The following GRAMD4 variants were observed in gnomAD, a reference collection of about 807,000 sequenced individuals.
The protein encoded by GRAMD4 is GRAM domain-containing protein 4.
A neutral mutation model predicts 83.9 loss-of-function variants in GRAMD4; 25 were observed. That is an observed-to-expected ratio of 0.30 (90% confidence interval 0.22 to 0.42). The LOEUF (loss-of-function observed/expected upper bound fraction) is 0.42. Ranked by LOEUF, GRAMD4 falls within the 10% of genes least tolerant of loss-of-function variation. The pLI, the probability that GRAMD4 is intolerant of heterozygous loss-of-function variation, is 1.00. For synonymous variants in GRAMD4, 336 were observed against 320.9 expected, an observed-to-expected ratio of 1.05 and a Z score of -0.50; for missense variants, 593 against 788.7, an observed-to-expected ratio of 0.75 and a Z score of 2.97.
At chr22:46,670,679 C>T (rs1412005589) in intron 13 of GRAMD4, among the ~76,000 whole-genome samples, 1 of 152,136 alleles carries the variant, frequency 6.6e-6, no homozygotes, top group East Asian at 1.9e-4. Flanking sequence ...GATCTCGGCT[C>T]ACTGCAACCT....
intron 6 of GRAMD4, 43 bp downstream of exon 6, chr22:46,663,215 C>T (rs1205860867): frequency 6.3e-7 from 1 of 1,583,472 alleles, no homozygotes; most frequent in Non-Finnish European, 8.6e-7. Flanking sequence ...GTTAGGGGCC[C>T]CGGTCCCTGG....
At chr22:46,581,627 A>G (rs1602285873) in intron 1 of GRAMD4, among the ~76,000 whole-genome samples, 2 of 152,386 alleles carry the variant, frequency 1.3e-5, no homozygotes, top group East Asian at 3.9e-4. Flanking sequence ...TGTCCTGCTC[A>G]GGGCCAGACA....
intron 1 of GRAMD4, among the ~76,000 whole-genome samples, chr22:46,623,877 G>A (rs1805389419): frequency 1.3e-5 from 2 of 151,646 alleles, no homozygotes. Context: ...CACCTCCCGG[G>A]TTCAAGCAAT....
Position 46,659,023 on chromosome 22 carries a change from G to T in GRAMD4, c.404+716G>T, listed in dbSNP as rs1389406387. Among the ~76,000 whole-genome samples the T allele has an allele frequency of 6.6e-6, 1 of 152,152 alleles. No homozygotes were observed. The highest frequency in any genetic ancestry group is 1.5e-5 in the Non-Finnish European group (1 of 68,000). On this transcript the variant is annotated intron_variant, in intron 4 of 18. Coordinates refer to ENST00000406902, the MANE Select transcript of GRAMD4 (RefSeq NM_015124.5). This position sits in a 1 kb window ranked among gnomAD's most constrained non-coding sequence, Gnocchi z 4.1. ...GACCCCAGCGCAAGTTACAAAGCCAGTGCCCTCCTGTCTCGCTAACACCAC... is the reference window on the plus strand; with the variant it reads ...GACCCCAGCGCAAGTTACAAAGCCATTGCCCTCCTGTCTCGCTAACACCAC...
chr22:46,655,725 G>A (rs1272782647), intron 3 of GRAMD4, among the ~76,000 whole-genome samples: 3 of 152,202 alleles, frequency 2.0e-5, no homozygotes, highest in African/African-American at 7.2e-5. Flanking sequence ...CCCAGGCCGG[G>A]CTGGACCCTG....
chr22:46,664,236 C>T lies in GRAMD4; in HGVS notation c.717+119C>T. 1.4e-5 allele frequency: 10 copies of T among 738,996 alleles called. No individual in the cohort carries two copies. The South Asian group carries it at 1.4e-4, about 10-fold the overall frequency. The allele number at this position is 738,996 out of a possible 1,614,324, so 45.8% of individuals were successfully genotyped here. A position where few individuals can be genotyped will look rare whatever the true frequency, so the allele number is the denominator to read the frequency against. ...CCCCCAGGTGGCACTTCCTCAGGCCCCAGGGACATGCTCATTTCTCCTTCT... is the reference window on the plus strand; with the variant it reads ...CCCCCAGGTGGCACTTCCTCAGGCCTCAGGGACATGCTCATTTCTCCTTCT... On this transcript the variant is annotated intron_variant, in intron 8 of 18. Coordinates refer to ENST00000406902, the MANE Select transcript of GRAMD4 (RefSeq NM_015124.5).
rs192351228 is a variant in GRAMD4, at chr22:46,647,016, C to T, written c.283+9056C>T. Among the ~76,000 whole-genome samples, 117 of 152,292 alleles carry T rather than the reference C, an allele frequency of 7.7e-4. 1 individual carries two copies. Among genetic ancestry groups the T allele is most frequent in the African/African-American group, 2.6e-3 (110 of 41,540 alleles). On this transcript the variant is annotated intron_variant, in intron 3 of 18. Transcript: ENST00000406902. ...GAACAGCACAGGAGAGACCTGCCCC[C>T]GTGTTTTAATTACCTCCCACGGGGC...
intron 1 of GRAMD4, among the ~76,000 whole-genome samples, chr22:46,605,195 C>T (rs1211906859): frequency 4.7e-4 from 58 of 122,640 alleles, no homozygotes; most frequent in South Asian, 2.3e-3. Context: ...CACCCAGGTT[C>T]TGGTGCCATA....
At chr22:46,680,521 GATCC>G (rs1476663823), downstream of GRAMD4, among the ~76,000 whole-genome samples, 2 of 136,702 alleles carry the variant, frequency 1.5e-5, no homozygotes, top group Non-Finnish European at 3.1e-5. Context: ...GCCAGCCACT[GATCC>G]ATCCATTCAT....
At chr22:46,598,164 T>A (rs931612836) in intron 1 of GRAMD4, among the ~76,000 whole-genome samples, 18 of 152,046 alleles carry the variant, frequency 1.2e-4, no homozygotes, top group Admixed American at 1.2e-3. Flanking sequence ...TTATTTTTAG[T>A]AGAGACAGGG....
Position 46,648,967 on chromosome 22 carries a change from G to GATGCATGGATGGATGGATGGATGC in GRAMD4, c.284-9217_284-9216insCATGGATGGATGGATGGATGCATG, listed in dbSNP as rs1569288760. ...GGATGGATGGATGGATGGATGGATG[G>GATGCATGGATGGATGGATGGATGC]ATGGATGGATGGATGGATAGGTAGA... is the stretch of plus-strand genomic sequence containing the variant. On this transcript the variant is annotated intron_variant, in intron 3 of 18. Transcript: ENST00000406902. Among the ~76,000 whole-genome samples the GATGCATGGATGGATGGATGGATGC allele has an allele frequency of 3.2e-4, 45 of 141,344 alleles. 1 individual carries two copies. The highest frequency in any genetic ancestry group is 3.6e-3 in the Middle Eastern group (1 of 274). 92.7% of individuals were successfully genotyped at this position (141,344 alleles called of 152,430 possible).
chr22:46,584,642 C>A (rs1402663973), intron 1 of GRAMD4, among the ~76,000 whole-genome samples: 2 of 152,132 alleles, frequency 1.3e-5, no homozygotes, highest in Non-Finnish European at 2.9e-5. Context: ...TGGCTTCGAG[C>A]CCGGGCTCCC....
At chr22:46,584,877 C>T (rs5767274) in intron 1 of GRAMD4, among the ~76,000 whole-genome samples, 26,579 of 152,166 alleles carry the variant, frequency 0.17, 3,670 homozygotes, top group East Asian at 0.63. Context: ...CCGGCCTCCT[C>T]GGGGAAGGAG....
At chr22:46,595,319 G>GT (rs1390904092) in intron 1 of GRAMD4, among the ~76,000 whole-genome samples, 1 of 152,188 alleles carries the variant, frequency 6.6e-6, no homozygotes, top group South Asian at 2.1e-4. Context: ...TGGGACTGGT[G>GT]TTTCACTTGG....
intron 5 of GRAMD4, 102 bp from the exon 6 acceptor site, chr22:46,662,938 G>A (rs1358457805): frequency 3.0e-5 from 33 of 1,091,028 alleles, no homozygotes; most frequent in South Asian, 4.6e-5. Context: ...TGCTGGCCGC[G>A]CCCTTGCAGT....
rs182690741 is a variant in GRAMD4, at chr22:46,582,145, G to A, written c.-50+4855G>A. ...TTCTGGGATGCACTTTGCAGTGGCC[G>A]AGTCACTGCCCTCTGTGAAGTGAGG... On this transcript the variant is annotated intron_variant, in intron 1 of 1. Coordinates refer to the GRAMD4 transcript ENST00000431155. Among the ~76,000 whole-genome samples the A allele has an allele frequency of 3.9e-4, 60 of 152,282 alleles. 2 individuals are homozygous for A. The East Asian group carries it at 0.01, about 26-fold the overall frequency.
chr22:46,678,373 G>T lies in GRAMD4; in HGVS notation c.*1122G>T, dbSNP rs3747254. The T allele has an allele frequency of 1.0e-6, 1 of 984,442 alleles. No homozygotes were observed. The highest frequency in any genetic ancestry group is 1.1e-4 in the East Asian group (1 of 8,740). 61.0% of individuals were successfully genotyped at this position (984,442 alleles called of 1,614,324 possible). On this transcript the variant is annotated 3_prime_UTR_variant, in exon 19 of 19. Coordinates refer to ENST00000406902, the MANE Select transcript of GRAMD4 (RefSeq NM_015124.5). The stretch of plus-strand genomic sequence containing the variant: ...CGTTCCCTCCCCCGCGTGCCTAGCC[G>T]GTGCCGGTCCGGGCACAGACCCCCC...
chr22:46,635,449 TG>T, intron 2 of GRAMD4, among the ~76,000 whole-genome samples: 1 of 90,002 alleles, frequency 1.1e-5, no homozygotes, highest in African/African-American at 5.5e-5. Context: ...ACTCCTGTCC[TG>T]GGAGGCCGTG....
At chr22:46,648,767 C>G (rs200105056) in intron 3 of GRAMD4, among the ~76,000 whole-genome samples, 2,094 of 24,464 alleles carry the variant, frequency 0.086, 1 homozygote, top group Middle Eastern at 0.14. Context: ...TGGATGGATG[C>G]ATGGATGGAT....
Sources: allele counts gnomAD v4.1 joint callset (sites outside exome capture counted in the v4.1 genomes callset), GRCh38; gene constraint gnomAD v4.1.1; non-coding constraint Gnocchi (gnomAD v3.1); transcripts MANE v1.5; gene names NCBI Gene and HGNC (gene_info 2026-07-23, HGNC 2026-07-21).